ATXN7: variants seen among roughly 807,000 people sequenced by gnomAD.
ATXN7 encodes ataxin 7.
ATXN7 carries 12 observed loss-of-function variants against 70.5 expected under a neutral mutation model. The ratio of observed to expected loss-of-function variants is 0.17; its 90% confidence interval spans 0.11 to 0.28. The LOEUF (loss-of-function observed/expected upper bound fraction) is 0.28, where lower values mean the gene tolerates loss of function less well. Among genes scored for constraint, ATXN7 ranks in the 10% least tolerant of loss-of-function variants. The pLI, the probability that ATXN7 is intolerant of heterozygous loss-of-function variation, is 1.00. For missense variants in ATXN7, 1,256 were observed against 1,131.7 expected (o/e 1.11, Z -1.58); for synonymous variants, 498 against 448.7 (o/e 1.11, Z -1.39).
At chr3:63,906,283 G>A (rs186119973) in intron 2 of ATXN7, among the ~76,000 whole-genome samples, 158 of 152,310 alleles carry the variant, frequency 1.0e-3, no homozygotes, top group African/African-American at 3.6e-3. Flanking sequence ...CATGTTTGCT[G>A]GATCTATAGC....
intron 1 of ATXN7, among the ~76,000 whole-genome samples, chr3:63,892,513 A>ACC (rs1703312276): frequency 6.9e-6 from 1 of 144,788 alleles, no homozygotes; most frequent in African/African-American, 2.6e-5. Context: ...ACACACACAC[A>ACC]CCCCAACTCC....
intron 5 of ATXN7, among the ~76,000 whole-genome samples, chr3:63,977,541 A>G (rs1461032196): frequency 2.0e-5 from 3 of 152,170 alleles, no homozygotes. Flanking sequence ...ACACGGATGA[A>G]TATTTTAATG....
At chr3:63,956,292 G>C (rs1033015608) in intron 5 of ATXN7, among the ~76,000 whole-genome samples, 3 of 151,990 alleles carry the variant, frequency 2.0e-5, no homozygotes, top group African/African-American at 7.3e-5. Flanking sequence ...TAAGCCAGGC[G>C]TGGTGGCGTG....
intron 5 of ATXN7, among the ~76,000 whole-genome samples, chr3:63,974,327 C>T (rs1355668908): frequency 6.6e-6 from 1 of 152,226 alleles, no homozygotes; most frequent in African/African-American, 2.4e-5. Flanking sequence ...TCAGCCTATG[C>T]AGACTTGTAC....
At chr3:63,970,254 G>C (rs1356805205) in intron 5 of ATXN7, among the ~76,000 whole-genome samples, 1 of 152,174 alleles carries the variant, frequency 6.6e-6, no homozygotes, top group Admixed American at 6.5e-5. Flanking sequence ...CCTAAGTGTT[G>C]TGTGTATGCA....
intron 1 of ATXN7, among the ~76,000 whole-genome samples, chr3:63,892,467 TCACACACACACACACACACACACACACC>T (rs1215683854): frequency 2.3e-5 from 3 of 131,702 alleles, no homozygotes; most frequent in Non-Finnish European, 3.2e-5. Flanking sequence ...TATCGCTCCT[TCACACACACACACACACACACACACACC>T]CACACACACA....
chr3:63,870,354 G>A (rs1702558718), intron 1 of ATXN7, among the ~76,000 whole-genome samples: 1 of 152,160 alleles, frequency 6.6e-6, no homozygotes, highest in Non-Finnish European at 1.5e-5. Context: ...AATATTAGAT[G>A]CATAGATTTG....
chr3:63,869,285 G>T (rs1291636157), intron 1 of ATXN7, among the ~76,000 whole-genome samples: 1 of 152,154 alleles, frequency 6.6e-6, no homozygotes, highest in Non-Finnish European at 1.5e-5. Context: ...TAGAGGAGAT[G>T]ACCATTAAAT....
chr3:63,997,150 C>G (rs1026299926), intron 12 of ATXN7, among the ~76,000 whole-genome samples: 1 of 152,102 alleles, frequency 6.6e-6, no homozygotes, highest in Non-Finnish European at 1.5e-5. Context: ...CCCAGCTACT[C>G]AGGAGGTGGA....
At chr3:63,982,113 C>T in intron 6 of ATXN7, 73 bp from the exon 7 acceptor site, 4 of 1,597,974 alleles carry the variant, frequency 2.5e-6, no homozygotes, top group East Asian at 2.2e-5. Flanking sequence ...TATCCTCATC[C>T]CTCTGGCTCA....
upstream of ATXN7, chr3:63,863,688 G>A (rs1156496183): frequency 2.4e-6 from 3 of 1,239,234 alleles, no homozygotes; most frequent in African/African-American, 4.7e-5. Context: ...AGGGGTTCCC[G>A]GAAGCGGGCC....
At chr3:63,914,916 GTGTTT>G (rs1204643284) in intron 4 of ATXN7, among the ~76,000 whole-genome samples, 1 of 152,136 alleles carries the variant, frequency 6.6e-6, no homozygotes, top group African/African-American at 2.4e-5. Context: ...GATCTTGTTA[GTGTTT>G]TGTTTTGTTT....
At chr3:63,943,320 A>G (rs1280013397) in intron 4 of ATXN7, among the ~76,000 whole-genome samples, 1 of 152,218 alleles carries the variant, frequency 6.6e-6, no homozygotes, top group Non-Finnish European at 1.5e-5. Flanking sequence ...AGGACCCTCC[A>G]GTATTTGTTA....
intron 1 of ATXN7, among the ~76,000 whole-genome samples, chr3:63,874,908 CA>C: frequency 6.6e-6 from 1 of 152,246 alleles, no homozygotes; most frequent in African/African-American, 2.4e-5. Flanking sequence ...AGTCCATGAT[CA>C]GGGTGCCAGC....
intron 8 of ATXN7, among the ~76,000 whole-genome samples, chr3:63,985,380 G>C (rs2075559099): frequency 1.3e-5 from 2 of 152,212 alleles, no homozygotes; most frequent in Non-Finnish European, 2.9e-5. Context: ...TTGAGACCCA[G>C]CTTGTCATGA....
At position 63,892,493 on chromosome 3, in the gene ATXN7, ACC is replaced by A. The variant is rs34584883; in HGVS notation, c.-110-5904_-110-5903del. On this transcript the variant is annotated intron_variant, in intron 1 of 12. Coordinates refer to ENST00000674280, the MANE Select transcript of ATXN7 (RefSeq NM_001377405.1). ...CACACACACACACACACACACACAC[ACC>A]CACACACACACACACACACCCCAAC... Among the ~76,000 whole-genome samples, 502 of 140,532 alleles carry A rather than the reference ACC, an allele frequency of 3.6e-3. 2 individuals are homozygous for A. The highest frequency in any genetic ancestry group is 0.014 in the African/African-American group (457 of 33,140). The allele number at this position is 140,532 out of a possible 152,430, so 92.2% of individuals were successfully genotyped here.
chr3:63,945,289 A>G (rs2074841561), intron 4 of ATXN7, among the ~76,000 whole-genome samples: 2 of 152,252 alleles, frequency 1.3e-5, no homozygotes, highest in Admixed American at 1.3e-4. Flanking sequence ...GAGGAAGAGT[A>G]GACGTTTGAA....
intron 5 of ATXN7, among the ~76,000 whole-genome samples, chr3:63,966,458 G>A (rs1434814431): frequency 6.6e-6 from 1 of 152,154 alleles, no homozygotes; most frequent in Non-Finnish European, 1.5e-5. Context: ...TTTGGGAGAT[G>A]TATCCTCATC....
intron 4 of ATXN7, among the ~76,000 whole-genome samples, chr3:63,915,342 G>GAGACCGAAGTTTTACTC (rs1449666122): frequency 4.6e-5 from 7 of 152,184 alleles, no homozygotes; most frequent in Non-Finnish European, 2.9e-5. Flanking sequence ...TGTCTGAGTT[G>GAGACCGAAGTTTTACTC]AGACCGAAGT....
Sources: allele counts gnomAD v4.1 joint callset (sites outside exome capture counted in the v4.1 genomes callset), GRCh38; gene constraint gnomAD v4.1.1; transcripts MANE v1.5; gene names NCBI Gene and HGNC (gene_info 2026-07-23, HGNC 2026-07-21).